The following OXSR1 variants were observed in gnomAD, a reference collection of about 807,000 sequenced individuals.
OXSR1 encodes oxidative stress responsive kinase 1.
Under a neutral mutation model 79.8 loss-of-function variants are expected in OXSR1, and 24 were observed. That is an observed-to-expected ratio of 0.30 (90% CI 0.22 to 0.42). The LOEUF (loss-of-function observed/expected upper bound fraction) is 0.42. OXSR1 is among the 10% of genes least tolerant of loss of function. The pLI is 1.00. For synonymous variants in OXSR1, 226 were observed against 209.2 expected (o/e 1.08, Z -0.69); for missense variants, 430 against 618.4 (o/e 0.70, Z 3.23).
At chr3:38,209,296 G>A (rs138168518) in intron 4 of OXSR1, among the ~76,000 whole-genome samples, 1 of 152,064 alleles carries the variant, frequency 6.6e-6, no homozygotes, top group Non-Finnish European at 1.5e-5. Context: ...ACGGCTCACT[G>A]CAGCCTTGAC....
At chr3:38,182,959 A>C in intron 1 of OXSR1, 44 bp from the exon 2 acceptor site, 1 of 1,013,160 alleles carries the variant, frequency 9.9e-7, no homozygotes, top group Non-Finnish European at 1.5e-6. Flanking sequence ...TCATGTTTTT[A>C]TATATCCATC....
chr3:38,165,061 G>A (rs1701408298), upstream of OXSR1: 1 of 152,282 alleles, frequency 6.6e-6, no homozygotes, highest in Admixed American at 6.5e-5. Context: ...AGAGGAAGTG[G>A]TAAGACGAGC....
At chr3:38,175,715 C>G (rs778325870) in intron 1 of OXSR1, among the ~76,000 whole-genome samples, 1 of 152,184 alleles carries the variant, frequency 6.6e-6, no homozygotes, top group Non-Finnish European at 1.5e-5. Flanking sequence ...GTAGAGTTAC[C>G]CAGTTTGAAA....
chr3:38,228,653 C>T (rs1702741758), intron 8 of OXSR1, among the ~76,000 whole-genome samples: 1 of 152,178 alleles, frequency 6.6e-6, no homozygotes, highest in Non-Finnish European at 1.5e-5. Flanking sequence ...TCACTGCAAC[C>T]TCCGCCTCAT....
chr3:38,249,970 TC>T lies in OXSR1; in HGVS notation c.1329del (p.Glu446AsnfsTer2). ...PISLVLRLRN[S>X]KKELNDIRFE... ...GCATTCTGCTTTCTTTCATAGGAAT[TC>T]CAAAAAAGAACTAAATGATATTCGA... On this transcript the variant is annotated frameshift_variant, in exon 15 of 18. Coordinates refer to ENST00000311806, the MANE Select transcript of OXSR1 (RefSeq NM_005109.3). LOFTEE classifies it high-confidence loss of function. The T allele has an allele frequency of 6.4e-7, 1 of 1,573,984 alleles. No homozygotes were observed. The highest frequency in any genetic ancestry group is 8.7e-7 in the Non-Finnish European group (1 of 1,147,312).
At chr3:38,240,348 C>A (rs182735309) in intron 11 of OXSR1, among the ~76,000 whole-genome samples, 3 of 152,036 alleles carry the variant, frequency 2.0e-5, no homozygotes, top group Non-Finnish European at 2.9e-5. Context: ...AGAAGATATA[C>A]GCAGGTACGG....
chr3:38,165,959 G>A lies in OXSR1; in HGVS notation c.70+13G>A, dbSNP rs373962756. ...CAGGAGGTGATCGGTGAGAGCAGGC[G>A]CTGCGGAGGGGGGAGGCGCGGCGCT... On this transcript the variant is annotated intron_variant, in intron 1 of 17. Transcript: ENST00000311806. 6.0e-5 allele frequency: 96 copies of A among 1,607,954 alleles called. No individual in the cohort carries two copies. In the East Asian group the frequency reaches 8.3e-4, roughly 14 times the overall value.
chr3:38,227,469 A>G (rs377502516), intron 8 of OXSR1, among the ~76,000 whole-genome samples: 4 of 151,950 alleles, frequency 2.6e-5, no homozygotes, highest in Admixed American at 2.0e-4. Context: ...AGAAAGATCA[A>G]AGAGGGAATA....
At chr3:38,239,189 C>A (rs1702977980) in intron 11 of OXSR1, among the ~76,000 whole-genome samples, 1 of 152,064 alleles carries the variant, frequency 6.6e-6, no homozygotes, top group South Asian at 2.1e-4. Flanking sequence ...ATTTTAACAT[C>A]CTTCTCTTCT....
At chr3:38,208,168 G>A (rs1022758046) in intron 4 of OXSR1, among the ~76,000 whole-genome samples, 9 of 151,918 alleles carry the variant, frequency 5.9e-5, no homozygotes, top group African/African-American at 1.9e-4. Context: ...ACTTAACAGT[G>A]CCGGAAAAAT....
chr3:38,232,962 A>C (rs1702841266), intron 10 of OXSR1, among the ~76,000 whole-genome samples: 1 of 152,160 alleles, frequency 6.6e-6, no homozygotes, highest in African/African-American at 2.4e-5. Context: ...CAGAACCCTG[A>C]AAGGTAAGGG....
At chr3:38,193,801 A>G (rs1334038215) in intron 3 of OXSR1, among the ~76,000 whole-genome samples, 1 of 152,136 alleles carries the variant, frequency 6.6e-6, no homozygotes, top group African/African-American at 2.4e-5. Context: ...TTCCTGGAGG[A>G]TAATTTTCAA....
intron 6 of OXSR1, among the ~76,000 whole-genome samples, chr3:38,223,100 C>T (rs1405789801): frequency 6.6e-6 from 1 of 152,058 alleles, no homozygotes; most frequent in African/African-American, 2.4e-5. Flanking sequence ...CTTATGAACA[C>T]TTTCATTGTT....
intron 1 of OXSR1, among the ~76,000 whole-genome samples, chr3:38,178,397 CAA>C (rs1701713508): frequency 6.6e-6 from 1 of 151,990 alleles, no homozygotes; most frequent in Non-Finnish European, 1.5e-5. Flanking sequence ...ATGTAACAAA[CAA>C]ATTCTGTCGA....
intron 1 of OXSR1, among the ~76,000 whole-genome samples, chr3:38,170,749 G>A (rs1701565050): frequency 6.6e-6 from 1 of 152,168 alleles, no homozygotes; most frequent in Admixed American, 6.5e-5. Context: ...TAAACTGGAA[G>A]ATGGGGGTCA....
chr3:38,216,090 T>C lies in OXSR1; in HGVS notation c.435-6T>C, dbSNP rs576551994. Reference sequence around the variant, plus strand: ...TTGATACATAACTTTTTTTTTTTTTTTAAAGAGATGTGAAAGCTGGAAACA... The same window carrying C: ...TTGATACATAACTTTTTTTTTTTTTCTAAAGAGATGTGAAAGCTGGAAACA... On this transcript the variant is annotated splice_region_variant and splice_polypyrimidine_tract_variant and intron_variant, in intron 4 of 17. Transcript: ENST00000311806. The C allele has an allele frequency of 1.3e-6, 2 of 1,571,612 alleles. No homozygotes were observed. Among genetic ancestry groups the C allele is most frequent in the South Asian group, 1.2e-5 (1 of 86,690 alleles).
intron 5 of OXSR1, 30 bp downstream of exon 5, chr3:38,216,181 T>G (rs770931988): frequency 2.2e-6 from 3 of 1,357,500 alleles, no homozygotes; most frequent in Admixed American, 3.7e-5. Context: ...TTTATTTGAT[T>G]TAATGGTCAG....
chr3:38,185,431 C>G (rs188377484), intron 2 of OXSR1, among the ~76,000 whole-genome samples: 1 of 151,864 alleles, frequency 6.6e-6, no homozygotes, highest in South Asian at 2.1e-4. Flanking sequence ...TTAAAACAAT[C>G]AAAAATTAGT....
intron 4 of OXSR1, 79 bp from the exon 5 acceptor site, chr3:38,216,017 A>G (rs1702475774): frequency 2.5e-6 from 2 of 814,142 alleles, no homozygotes; most frequent in Non-Finnish European, 4.1e-6. Context: ...TTACATGAAT[A>G]TAGTAAACAA....
Sources: gnomAD v4.1 joint callset for allele counts (sites outside exome capture counted in the v4.1 genomes callset) on GRCh38, gnomAD v4.1.1 for gene constraint, MANE v1.5 for transcripts, NCBI Gene and HGNC (gene_info 2026-07-23, HGNC 2026-07-21) for gene names.